Variants in HOMER2 observed in about 807,000 individuals in gnomAD.
The protein encoded by HOMER2 is homer protein homolog 2.
In HOMER2, 27 loss-of-function variants were observed where a neutral mutation model predicts 47.0. The ratio of observed to expected loss-of-function variants is 0.57; its 90% CI spans 0.42 to 0.79. The LOEUF (loss-of-function observed/expected upper bound fraction) is 0.79, where lower values mean the gene tolerates loss of function less well. Ranked by LOEUF, HOMER2 falls within the 30% of genes least tolerant of loss-of-function variation. HOMER2 has a pLI of 0.00. For missense variants in HOMER2, 443 were observed against 435.0 expected, an observed-to-expected ratio of 1.02 and a Z score of -0.16; for synonymous variants, 161 against 163.8, an observed-to-expected ratio of 0.98 and a Z score of 0.13.
Position 82,928,452 on chromosome 15 carries a change from T to C in HOMER2, c.5+24079A>G, listed in dbSNP as rs892164315. Among the ~76,000 whole-genome samples, 4 of 152,144 alleles carry C rather than the reference T, an allele frequency of 2.6e-5. No individual in the cohort carries two copies. The East Asian group carries it at 5.8e-4, about 22-fold the overall frequency. ...TAAAAATTTTCATTCTAAAACCAGA[T>C]TACCTACTCCAGCTCTCTTTTGGTT... On this transcript the variant is annotated intron_variant, in intron 1 of 8. Transcript: ENST00000450735.
chr15:82,926,891 G>A (rs944252994), intron 1 of HOMER2, among the ~76,000 whole-genome samples: 2 of 152,086 alleles, frequency 1.3e-5, no homozygotes, highest in African/African-American at 2.4e-5. Context: ...CCTGCACCTT[G>A]ATACTAAACT....
intron 1 of HOMER2, among the ~76,000 whole-genome samples, chr15:82,911,759 G>A (rs564375979): frequency 3.4e-4 from 52 of 152,302 alleles, no homozygotes; most frequent in African/African-American, 1.2e-3. Flanking sequence ...GGCCGGGTGA[G>A]GTGGTTCACA....
intron 1 of HOMER2, among the ~76,000 whole-genome samples, chr15:82,950,506 T>A (rs1395300117): frequency 6.6e-6 from 1 of 152,160 alleles, no homozygotes; most frequent in East Asian, 1.9e-4. Flanking sequence ...TCAGAAAGGA[T>A]GACATTGGTT....
intron 1 of HOMER2, among the ~76,000 whole-genome samples, chr15:82,940,771 C>T (rs188677522): frequency 4.0e-5 from 6 of 151,778 alleles, no homozygotes; most frequent in Admixed American, 2.0e-4. Context: ...CATGTGCCTG[C>T]GGCCCCAGCT....
chr15:82,968,016 CAT>C (rs1237163433), intron 1 of HOMER2, among the ~76,000 whole-genome samples: 1 of 152,058 alleles, frequency 6.6e-6, no homozygotes, highest in Non-Finnish European at 1.5e-5. Context: ...ATATATATAA[CAT>C]ATTGTAACAA....
At chr15:82,880,569 A>G (rs879931825) in intron 2 of HOMER2, among the ~76,000 whole-genome samples, 6 of 152,226 alleles carry the variant, frequency 3.9e-5, no homozygotes, top group African/African-American at 1.4e-4. Context: ...AATAAAGTCT[A>G]CAAACCCATA....
At chr15:82,847,992 T>C (rs573615259), downstream of HOMER2, among the ~76,000 whole-genome samples, 3 of 152,282 alleles carry the variant, frequency 2.0e-5, no homozygotes, top group Admixed American at 6.5e-5. Context: ...CTGGCCACGC[T>C]TTCCACTTCC....
chr15:82,938,195 A>G lies in HOMER2; in HGVS notation c.5+14336T>C, dbSNP rs187128426. 1.5e-3 allele frequency among the ~76,000 whole-genome samples: 231 copies of G among 152,250 alleles called. 1 individual carries two copies. The highest frequency in any genetic ancestry group is 5.5e-3 in the African/African-American group (227 of 41,538). ...GAGACCAGCCTGGCCAACATGGCGA[A>G]ACCCCGTCTCTACTGAAAAAACACA... On this transcript the variant is annotated intron_variant, in intron 1 of 8. Transcript: ENST00000450735.
At chr15:82,878,372 A>G (rs192114383) in intron 2 of HOMER2, among the ~76,000 whole-genome samples, 2 of 152,312 alleles carry the variant, frequency 1.3e-5, no homozygotes, top group East Asian at 3.9e-4. Flanking sequence ...CTGAGGCTTA[A>G]CAAGGTCAAG....
chr15:82,835,018 A>G (rs1448406792), downstream of HOMER2: 5 of 152,068 alleles, frequency 3.3e-5, no homozygotes, highest in African/African-American at 1.2e-4. Context: ...TAACCTCATC[A>G]CCCTCACTCT....
At chr15:82,897,254 C>G (rs372912576) in intron 1 of HOMER2, among the ~76,000 whole-genome samples, 1 of 151,730 alleles carries the variant, frequency 6.6e-6, no homozygotes, top group Non-Finnish European at 1.5e-5. Context: ...TTAGTAGAGA[C>G]GGGGTTTCAC....
At chr15:82,858,189 T>G (rs2051648385) in intron 5 of HOMER2, among the ~76,000 whole-genome samples, 1 of 152,258 alleles carries the variant, frequency 6.6e-6, no homozygotes, top group African/African-American at 2.4e-5. Context: ...CAAATATATA[T>G]TCCACATGAC....
chr15:82,922,540 A>G (rs2053755035), intron 1 of HOMER2, among the ~76,000 whole-genome samples: 1 of 152,232 alleles, frequency 6.6e-6, no homozygotes, highest in African/African-American at 2.4e-5. Context: ...CACTAGGTAT[A>G]TGCTGGCTCG....
intron 5 of HOMER2, among the ~76,000 whole-genome samples, chr15:82,858,616 A>G (rs538617926): frequency 5.9e-5 from 9 of 152,256 alleles, no homozygotes; most frequent in African/African-American, 2.2e-4. Context: ...GTTATAGATA[A>G]ATAAATGATA....
chr15:82,902,752 G>GTTT (rs140672780), intron 1 of HOMER2, among the ~76,000 whole-genome samples: 8,766 of 152,184 alleles, frequency 0.058, 583 homozygotes, highest in African/African-American at 0.16. Flanking sequence ...ACTAGATACG[G>GTTT]TTTTTTAAAG....
At chr15:82,902,367 T>A (rs929326002) in intron 1 of HOMER2, among the ~76,000 whole-genome samples, 12 of 152,016 alleles carry the variant, frequency 7.9e-5, no homozygotes, top group Non-Finnish European at 1.6e-4. Flanking sequence ...CCGGCTAATT[T>A]TTGTATTTTT....
At chr15:82,947,204 G>A (rs1289478438) in intron 1 of HOMER2, among the ~76,000 whole-genome samples, 1 of 152,162 alleles carries the variant, frequency 6.6e-6, no homozygotes, top group Non-Finnish European at 1.5e-5. Flanking sequence ...ATATCTGAAA[G>A]ACTGTATCTA....
chr15:82,929,587 C>T (rs970615217), intron 1 of HOMER2, among the ~76,000 whole-genome samples: 1 of 131,154 alleles, frequency 7.6e-6, no homozygotes, highest in African/African-American at 2.9e-5. Flanking sequence ...ACCCAGGAGG[C>T]GGAGATTGCA....
At chr15:82,868,543 T>TATATA (rs1567023464) in intron 3 of HOMER2, among the ~76,000 whole-genome samples, 1,258 of 36,748 alleles carry the variant, frequency 0.034, 37 homozygotes, top group African/African-American at 0.089. Context: ...ATATATATAT[T>TATATA]TTTTTTTTTT....
Sources: gnomAD v4.1 joint callset for allele counts (sites outside exome capture counted in the v4.1 genomes callset) on GRCh38, gnomAD v4.1.1 for gene constraint, MANE v1.5 for transcripts, NCBI Gene and HGNC (gene_info 2026-07-23, HGNC 2026-07-21) for gene names.